Variants in ANO3 observed in about 807,000 individuals in gnomAD.
ANO3 encodes anoctamin-3.
In ANO3, 99 loss-of-function variants were observed where a neutral mutation model predicts 144.8. The observed-to-expected ratio is 0.68, with a 90% CI of 0.58 to 0.81. The LOEUF is 0.81. ANO3 is among the 30% of genes least tolerant of loss of function. The probability of loss-of-function intolerance (pLI) is 0.00; values close to 1 mark genes in which losing one functional copy is unlikely to be tolerated. For synonymous variants in ANO3, 414 were observed against 392.6 expected, an observed-to-expected ratio of 1.05 and a Z score of -0.64; for missense variants, 905 against 1,202.2, an observed-to-expected ratio of 0.75 and a Z score of 3.66.
rs116790510 is a variant in ANO3, at chr11:26,212,257, A to C, written c.154+22927A>C. 4.1e-3 allele frequency among the ~76,000 whole-genome samples: 622 copies of C among 152,084 alleles called. 1 individual carries two copies. Among genetic ancestry groups the C allele is most frequent in the African/African-American group, 0.014 (597 of 41,530 alleles). ...AAAAGCAAGAGAAAAGAAATTCAAA[A>C]GCTACCAGGAGACAGGAAATAACTA... On this transcript the variant is annotated intron_variant, in intron 1 of 27. Coordinates refer to the ANO3 transcript ENST00000672621.
chr11:26,522,219 A>C (rs942358303), intron 6 of ANO3, among the ~76,000 whole-genome samples: 4 of 151,812 alleles, frequency 2.6e-5, no homozygotes, highest in Non-Finnish European at 4.4e-5. Flanking sequence ...AACAACAAAA[A>C]AAAAACATTA....
intron 13 of ANO3, among the ~76,000 whole-genome samples, chr11:26,554,593 G>C (rs543482110): frequency 9.9e-5 from 15 of 152,226 alleles, no homozygotes; most frequent in African/African-American, 3.6e-4. Context: ...CCGAGCCTCG[G>C]TGTGGTCAAT....
At chr11:26,330,261 C>G (rs1392440750), upstream of ANO3, among the ~76,000 whole-genome samples, 1 of 151,978 alleles carries the variant, frequency 6.6e-6, no homozygotes, top group Non-Finnish European at 1.5e-5. Flanking sequence ...AATTTTAACT[C>G]TGGATGAACA....
At chr11:26,452,694 G>C (rs1223064645) in intron 3 of ANO3, among the ~76,000 whole-genome samples, 1 of 152,090 alleles carries the variant, frequency 6.6e-6, no homozygotes, top group Admixed American at 6.5e-5. Context: ...AATCTAGCAA[G>C]GCAGGCCAAA....
intron 1 of ANO3, among the ~76,000 whole-genome samples, chr11:26,238,327 C>G (rs1852579441): frequency 6.6e-6 from 1 of 152,046 alleles, no homozygotes; most frequent in South Asian, 2.1e-4. Flanking sequence ...AACTGGACAA[C>G]TAGTATTTTA....
At chr11:26,273,629 A>G (rs377473384) in intron 1 of ANO3, among the ~76,000 whole-genome samples, 5,731 of 134,242 alleles carry the variant, frequency 0.043, 379 homozygotes, top group African/African-American at 0.15. Flanking sequence ...GATTGTGGAT[A>G]TGGCACACAC....
intron 7 of ANO3, among the ~76,000 whole-genome samples, chr11:26,528,915 A>G (rs1263767391): frequency 2.0e-5 from 3 of 150,024 alleles, no homozygotes; most frequent in African/African-American, 7.4e-5. Context: ...AACACCTCAA[A>G]TACTATGTAT....
At chr11:26,354,739 TTTCC>T (rs1414175923) in intron 1 of ANO3, among the ~76,000 whole-genome samples, 2 of 152,192 alleles carry the variant, frequency 1.3e-5, no homozygotes, top group Non-Finnish European at 2.9e-5. Context: ...ACAATTCCTC[TTTCC>T]TTGTTTCCTC....
chr11:26,470,112 C>G (rs1247410227), intron 4 of ANO3, among the ~76,000 whole-genome samples: 1 of 151,720 alleles, frequency 6.6e-6, no homozygotes, highest in African/African-American at 2.4e-5. Context: ...AGAAGTTAGC[C>G]AAATTTCTGG....
chr11:26,488,211 G>T (rs986094295), intron 4 of ANO3, among the ~76,000 whole-genome samples: 1 of 152,032 alleles, frequency 6.6e-6, no homozygotes, highest in Non-Finnish European at 1.5e-5. Flanking sequence ...ATTTTAAAAG[G>T]TAAACAGCAT....
intron 24 of ANO3, among the ~76,000 whole-genome samples, chr11:26,653,324 T>C (rs1853588945): frequency 6.6e-6 from 1 of 152,072 alleles, no homozygotes; most frequent in Non-Finnish European, 1.5e-5. Context: ...CAGGCCATGA[T>C]CCTTGGCAAT....
Position 26,656,417 on chromosome 11 carries a change from A to G in ANO3, c.2699A>G (p.Tyr900Cys), listed in dbSNP as rs1484993405. 6.2e-7 allele frequency: 1 copy of G among 1,612,208 alleles called. No homozygotes were observed. Among genetic ancestry groups the G allele is most frequent in the East Asian group, 2.2e-5 (1 of 44,860 alleles). ...GGCCCGCCCTGGAGTTCCAAACCCT[A>G]TGAGTTTACTTTACAATACTGGCAT... The part of the protein sequence containing the change: ...YRGPPWSSKP[Y>C]EFTLQYWHIL... Residue 900 changes from tyrosine to cysteine, a missense_variant, in exon 26 of 27, where the codon TAT (tyrosine) becomes TGT (cysteine). By Grantham distance (194) the Tyr-to-Cys change is radical (BLOSUM62 -2). Coordinates refer to ENST00000256737, the MANE Select transcript of ANO3 (RefSeq NM_031418.4).
intron 1 of ANO3, among the ~76,000 whole-genome samples, chr11:26,224,821 G>C (rs1169117988): frequency 6.6e-6 from 1 of 152,162 alleles, no homozygotes; most frequent in Non-Finnish European, 1.5e-5. Context: ...GCTGGGCTTT[G>C]ATCCATCTGA....
At chr11:26,235,002 A>AAGAGAGAGAGAGAGAGAGAGAG (rs10694750) in intron 1 of ANO3, among the ~76,000 whole-genome samples, 16,138 of 139,260 alleles carry the variant, frequency 0.12, 1,127 homozygotes, top group Non-Finnish European at 0.15. Context: ...AGAGAAAAGA[A>AAGAGAGAGAGAGAGAGAGAGAG]AGAGAGAGAG....
Position 26,581,621 on chromosome 11 carries a change from G to A in ANO3, c.1448-16744G>A, listed in dbSNP as rs545490549. Among the ~76,000 whole-genome samples, 1,321 of 150,318 alleles carry A rather than the reference G, an allele frequency of 8.8e-3. 27 individuals carry two copies. The highest frequency in any genetic ancestry group is 0.03 in the African/African-American group (1,239 of 40,814). ...GGAGAATTGCTTGAACCTGGGAGGC[G>A]GAAGTTCCAGTGAGCCAAGATCACA... On this transcript the variant is annotated intron_variant, in intron 14 of 26. Coordinates refer to ENST00000256737, the MANE Select transcript of ANO3 (RefSeq NM_031418.4).
intron 4 of ANO3, chr11:26,473,813 C>T (rs568764408): frequency 4.5e-6 from 2 of 439,692 alleles, no homozygotes; most frequent in Non-Finnish European, 6.0e-6. Flanking sequence ...ATGAAAGCAG[C>T]CCCCTATTCC....
At chr11:26,437,565 C>A (rs1425166731) in intron 1 of ANO3, among the ~76,000 whole-genome samples, 1 of 152,178 alleles carries the variant, frequency 6.6e-6, no homozygotes, top group Admixed American at 6.5e-5. Flanking sequence ...ATGCACGTAC[C>A]TGGGTACTTC....
chr11:26,512,685 G>A (rs1861712031), intron 5 of ANO3, among the ~76,000 whole-genome samples: 1 of 152,162 alleles, frequency 6.6e-6, no homozygotes, highest in Admixed American at 6.6e-5. Context: ...ATTGATAGTA[G>A]TTATTGTAAT....
intron 1 of ANO3, among the ~76,000 whole-genome samples, chr11:26,252,006 T>C (rs1852938152): frequency 6.6e-6 from 1 of 152,216 alleles, no homozygotes; most frequent in African/African-American, 2.4e-5. Context: ...TGAAATGGTT[T>C]CAAGTGTTCT....
Sources: allele counts gnomAD v4.1 joint callset (sites outside exome capture counted in the v4.1 genomes callset), GRCh38; gene constraint gnomAD v4.1.1; transcripts MANE v1.5; gene names NCBI Gene and HGNC (gene_info 2026-07-23, HGNC 2026-07-21).